The following RFX8 variants were observed in gnomAD, a reference collection of about 807,000 sequenced individuals.
The protein encoded by RFX8 is DNA-binding protein RFX8.
Under a neutral mutation model 54.6 loss-of-function variants are expected in RFX8, and 46 were observed. That is an observed-to-expected ratio of 0.84 (90% CI 0.67 to 1.08). RFX8 has a LOEUF of 1.08. RFX8 is among the 50% of genes least tolerant of loss of function. The pLI, the probability that RFX8 is intolerant of heterozygous loss-of-function variation, is 0.00. For synonymous variants in RFX8, 192 were observed against 209.5 expected, an observed-to-expected ratio of 0.92 and a Z score of 0.72; for missense variants, 536 against 562.3, an observed-to-expected ratio of 0.95 and a Z score of 0.47.
rs140199297 is a variant in RFX8, at chr2:101,459,250, C to T, written c.72+7527G>A. ...AGTCATTCTCCGTCCAGTTTTGTTC[C>T]GTTGCTGGCGAGGAGCTGCAATCCT... On this transcript the variant is annotated intron_variant, in intron 2 of 11. Coordinates refer to ENST00000428343, the MANE Select transcript of RFX8 (RefSeq NM_001145664.2). 3.8e-3 allele frequency among the ~76,000 whole-genome samples: 586 copies of T among 152,254 alleles called. 10 individuals are homozygous for T. The highest frequency in any genetic ancestry group is 0.013 in the African/African-American group (524 of 41,560).
chr2:101,403,558 G>A (rs943494863), intron 10 of RFX8, among the ~76,000 whole-genome samples: 4 of 152,186 alleles, frequency 2.6e-5, no homozygotes, highest in African/African-American at 7.2e-5. Flanking sequence ...AGGCCGAGGC[G>A]GGCAGATCAC....
intron 4 of RFX8, chr2:101,421,250 T>G (rs1686846323): frequency 5.1e-6 from 5 of 985,668 alleles, no homozygotes; most frequent in Non-Finnish European, 6.0e-6. Context: ...AAACTCAGAA[T>G]AGCTGAAAGA....
At position 101,402,715 on chromosome 2, in the gene RFX8, A is replaced by G. The variant is rs1200321859; in HGVS notation, c.966T>C (p.Tyr322=). ...GGCATGACTGAAGTATATGAATCATATATTCCAAAAGCAACAAGTGAAACA... is the reference window on the plus strand; with the variant it reads ...GGCATGACTGAAGTATATGAATCATGTATTCCAAAAGCAACAAGTGAAACA... ...WHLFHLLLLE[Y]MIHILQSCLE... is the part of the protein sequence containing the mutation. Residue 322 remains tyrosine (Y), a synonymous_variant, in exon 11 of 12, where the codon TAT becomes TAC. Transcript: ENST00000428343. 6.4e-7 allele frequency: 1 copy of G among 1,551,162 alleles called. No individual in the cohort carries two copies. Among genetic ancestry groups the G allele is most frequent in the Admixed American group, 2.0e-5 (1 of 51,048 alleles).
Position 101,474,641 on chromosome 2 carries a change from T to G in RFX8, c.-58A>C. ...AACAACAAGCACCAACTTACACCTT[T>G]TCCAATCTGGTCGCGGTGTTGAGTC... On this transcript the variant is annotated 5_prime_UTR_variant, in exon 1 of 12. Coordinates refer to ENST00000428343, the MANE Select transcript of RFX8 (RefSeq NM_001145664.2). 5.3e-6 allele frequency: 1 copy of G among 190,222 alleles called. No individual in the cohort carries two copies. The highest frequency in any genetic ancestry group is 1.1e-5 in the Non-Finnish European group (1 of 92,988). The allele number at this position is 190,222 out of a possible 1,614,324, so 11.8% of individuals were successfully genotyped here. A position where few individuals can be genotyped will look rare whatever the true frequency, so the allele number is the denominator to read the frequency against.
At chr2:101,413,532 G>C (rs114024644) in intron 7 of RFX8, among the ~76,000 whole-genome samples, 1,862 of 152,218 alleles carry the variant, frequency 0.012, 46 homozygotes, top group African/African-American at 0.043. Flanking sequence ...TGTCAAATGG[G>C]GACTATCTAG....
chr2:101,429,832 G>T (rs767177063), intron 2 of RFX8, among the ~76,000 whole-genome samples: 25 of 152,222 alleles, frequency 1.6e-4, no homozygotes, highest in Non-Finnish European at 3.5e-4. Flanking sequence ...CCGGGCAATT[G>T]TCATCCAGGT....
chr2:101,399,932 G>A (rs574226806), intron 11 of RFX8, among the ~76,000 whole-genome samples: 9 of 152,258 alleles, frequency 5.9e-5, no homozygotes, highest in African/African-American at 2.2e-4. Flanking sequence ...ATGCTGAGAA[G>A]GACAGTCTTG....
chr2:101,397,749 G>A, intron 11 of RFX8, 25 bp from the exon 12 acceptor site: 1 of 1,528,182 alleles, frequency 6.5e-7, no homozygotes. Flanking sequence ...TGTTTTAAGG[G>A]AAAAGATAAA....
intron 2 of RFX8, among the ~76,000 whole-genome samples, chr2:101,461,285 A>C (rs1233761710): frequency 2.0e-5 from 3 of 149,892 alleles, no homozygotes; most frequent in African/African-American, 4.9e-5. Flanking sequence ...AAAAAAAAGA[A>C]AGAAAAAGAA....
At chr2:101,404,066 C>T (rs1264792189) in intron 10 of RFX8, among the ~76,000 whole-genome samples, 1 of 152,222 alleles carries the variant, frequency 6.6e-6, no homozygotes, top group Admixed American at 6.5e-5. Flanking sequence ...CTGCAACTTA[C>T]AGGGCTGTAA....
At chr2:101,399,765 G>T (rs941262220) in intron 11 of RFX8, among the ~76,000 whole-genome samples, 1 of 151,370 alleles carries the variant, frequency 6.6e-6, no homozygotes, top group Admixed American at 6.6e-5. Flanking sequence ...TTTGTCCAGT[G>T]TTCTATCTAA....
chr2:101,433,100 G>A (rs2104618068), intron 2 of RFX8, among the ~76,000 whole-genome samples: 1 of 152,292 alleles, frequency 6.6e-6, no homozygotes, highest in East Asian at 1.9e-4. Flanking sequence ...GAGAATTCCC[G>A]CAGCACAGTG....
intron 2 of RFX8, among the ~76,000 whole-genome samples, chr2:101,424,255 A>G (rs962574276): frequency 1.3e-5 from 2 of 152,236 alleles, no homozygotes; most frequent in Non-Finnish European, 2.9e-5. Context: ...CAGCCAACAG[A>G]CACATGAAAA....
chr2:101,432,601 C>G (rs17192350), intron 2 of RFX8, among the ~76,000 whole-genome samples: 4 of 152,026 alleles, frequency 2.6e-5, no homozygotes, highest in African/African-American at 9.7e-5. Context: ...GAGTGCCCAC[C>G]GGGACAGCTT....
intron 1 of RFX8, among the ~76,000 whole-genome samples, chr2:101,469,079 AGT>A (rs1491112126): frequency 0.18 from 1,971 of 11,036 alleles, 199 homozygotes; most frequent in African/African-American, 0.34. Flanking sequence ...TATATATATA[AGT>A]GTATATATAT....
intron 9 of RFX8, among the ~76,000 whole-genome samples, chr2:101,408,894 GGC>G (rs918648574): frequency 1.1e-4 from 17 of 152,272 alleles, no homozygotes; most frequent in African/African-American, 4.1e-4. Flanking sequence ...ATACAGACAA[GGC>G]CAGGCAGGTG....
intron 9 of RFX8, 89 bp from the exon 10 acceptor site, chr2:101,406,146 C>G (rs779122778): frequency 2.9e-6 from 2 of 699,434 alleles, no homozygotes; most frequent in Non-Finnish European, 2.4e-6. Context: ...TTGTCATGCA[C>G]ACGCATTTTT....
intron 2 of RFX8, among the ~76,000 whole-genome samples, chr2:101,452,683 C>T: frequency 6.6e-6 from 1 of 152,136 alleles, no homozygotes; most frequent in East Asian, 1.9e-4. Context: ...ACTTGGAGGC[C>T]AGGCACGGTG....
intron 2 of RFX8, among the ~76,000 whole-genome samples, chr2:101,441,802 T>G (rs1482877572): frequency 6.6e-6 from 1 of 152,200 alleles, no homozygotes; most frequent in Non-Finnish European, 1.5e-5. Flanking sequence ...TTGAAGTGAG[T>G]TTCTTGGCAA....
Sources: allele counts gnomAD v4.1 joint callset (sites outside exome capture counted in the v4.1 genomes callset), GRCh38; gene constraint gnomAD v4.1.1; transcripts MANE v1.5; gene names NCBI Gene and HGNC (gene_info 2026-07-23, HGNC 2026-07-21).